The following SHISA9 variants were observed in gnomAD, a reference collection of about 807,000 sequenced individuals.
SHISA9 encodes protein shisa-9.
SHISA9 carries 13 observed loss-of-function variants against 38.0 expected under a neutral mutation model. That is an observed-to-expected ratio of 0.34 (90% CI 0.22 to 0.54). The LOEUF (loss-of-function observed/expected upper bound fraction) is 0.54, where lower values mean the gene tolerates loss of function less well. SHISA9 is among the 20% of genes least tolerant of loss of function. SHISA9 has a pLI of 0.91. For synonymous variants in SHISA9, 275 were observed against 242.0 expected, an observed-to-expected ratio of 1.14 and a Z score of -1.27; for missense variants, 538 against 575.8, an observed-to-expected ratio of 0.93 and a Z score of 0.67.
the SHISA9 span, among the ~76,000 whole-genome samples, chr16:13,532,096 A>G: frequency 3.3e-5 from 5 of 152,302 alleles, no homozygotes; most frequent in Middle Eastern, 3.4e-3. Flanking sequence ...ACCTGGGCCA[A>G]TTTGACTCAT....
intron 2 of SHISA9, among the ~76,000 whole-genome samples, chr16:12,947,642 A>G (rs2071704490): frequency 6.6e-6 from 1 of 152,140 alleles, no homozygotes; most frequent in South Asian, 2.1e-4. Context: ...TCCACGGGCT[A>G]TTTTTGTCAA....
chr16:13,444,421 A>G, the SHISA9 span, among the ~76,000 whole-genome samples: 23 of 44,448 alleles, frequency 5.2e-4, no homozygotes, highest in Middle Eastern at 0.011. Context: ...GGGAGGGAGG[A>G]AGGAAGGAAG....
intron 1 of SHISA9, chr16:12,909,043 C>G (rs2071144721): frequency 1.6e-5 from 16 of 997,854 alleles, no homozygotes; most frequent in South Asian, 8.9e-5. Flanking sequence ...TCTCCTGCCT[C>G]TCATCTTTCT....
chr16:13,035,895 A>G (rs1434686836), intron 2 of SHISA9, among the ~76,000 whole-genome samples: 2 of 152,212 alleles, frequency 1.3e-5, no homozygotes, highest in African/African-American at 4.8e-5. Flanking sequence ...GTCAATAAGT[A>G]CATGAAAAGA....
At chr16:12,973,389 T>G (rs138022835) in intron 2 of SHISA9, among the ~76,000 whole-genome samples, 12 of 152,194 alleles carry the variant, frequency 7.9e-5, no homozygotes, top group Non-Finnish European at 1.6e-4. Context: ...GAGAGTTCAA[T>G]TCTAGTGCTG....
chr16:13,002,086 C>T (rs1169939525), intron 2 of SHISA9, among the ~76,000 whole-genome samples: 1 of 152,136 alleles, frequency 6.6e-6, no homozygotes, highest in Non-Finnish European at 1.5e-5. Context: ...CATAAAACTC[C>T]CTGGTGATTG....
Position 13,023,314 on chromosome 16 carries a change from C to T in SHISA9, c.691+106499C>T, listed in dbSNP as rs139711259. Among the ~76,000 whole-genome samples the T allele has an allele frequency of 6.6e-3, 1,006 of 152,244 alleles. 7 individuals are homozygous for T. The highest frequency in any genetic ancestry group is 0.01 in the Middle Eastern group (3 of 294). ...GATAATTTGCTGAGAATCATGGTTTCCAGCTTCATCCATGTCCCTGCAAAG... is the reference window on the plus strand; with the variant it reads ...GATAATTTGCTGAGAATCATGGTTTTCAGCTTCATCCATGTCCCTGCAAAG... On this transcript the variant is annotated intron_variant, in intron 2 of 4. Transcript: ENST00000558583.
chr16:13,005,111 A>G (rs2072581939), intron 2 of SHISA9, among the ~76,000 whole-genome samples: 1 of 152,072 alleles, frequency 6.6e-6, no homozygotes, highest in Non-Finnish European at 1.5e-5. Flanking sequence ...AGGAGGTGCC[A>G]TTCCTGAGAT....
At chr16:12,954,735 C>T (rs569963224) in intron 2 of SHISA9, among the ~76,000 whole-genome samples, 14 of 152,092 alleles carry the variant, frequency 9.2e-5, no homozygotes, top group African/African-American at 3.4e-4. Context: ...GATTAGGAAA[C>T]AGTTGTAGAG....
the SHISA9 span, among the ~76,000 whole-genome samples, chr16:13,479,811 A>G: frequency 1.3e-5 from 2 of 152,194 alleles, no homozygotes; most frequent in Non-Finnish European, 2.9e-5. Flanking sequence ...GTTCAGTTCT[A>G]TTCCCTTTGT....
At chr16:13,137,867 T>G (rs2050363956) in intron 2 of SHISA9, among the ~76,000 whole-genome samples, 1 of 152,210 alleles carries the variant, frequency 6.6e-6, no homozygotes, top group African/African-American at 2.4e-5. Context: ...GTCCAGCTGT[T>G]TCTTTGCCTG....
the SHISA9 span, among the ~76,000 whole-genome samples, chr16:13,517,176 G>A: frequency 6.6e-6 from 1 of 152,170 alleles, no homozygotes; most frequent in East Asian, 1.9e-4. Flanking sequence ...GAAAAAAGCA[G>A]AGAGTGGAGT....
intron 2 of SHISA9, among the ~76,000 whole-genome samples, chr16:13,111,065 A>G (rs1361527560): frequency 6.6e-6 from 1 of 152,208 alleles, no homozygotes; most frequent in Non-Finnish European, 1.5e-5. Context: ...AAAGACTTAA[A>G]TTTAAGACCG....
the SHISA9 span, among the ~76,000 whole-genome samples, chr16:13,261,725 G>A: frequency 5.3e-5 from 8 of 152,188 alleles, no homozygotes; most frequent in Non-Finnish European, 1.2e-4. Flanking sequence ...AATGCCATGT[G>A]CTGAGGGTAC....
At chr16:13,339,106 T>C in the SHISA9 span, among the ~76,000 whole-genome samples, 69,646 of 151,258 alleles carry the variant, frequency 0.46, 17,168 homozygotes, top group East Asian at 0.77. Flanking sequence ...AATAACTCAT[T>C]TCCATGCCAG....
At chr16:13,296,891 C>CAAAAAAAAAAA in the SHISA9 span, among the ~76,000 whole-genome samples, 1 of 26,588 alleles carries the variant, frequency 3.8e-5, no homozygotes. Context: ...AACTCCATCT[C>CAAAAAAAAAAA]AAAAAAAAAA....
At chr16:13,444,935 C>A in the SHISA9 span, among the ~76,000 whole-genome samples, 1 of 147,268 alleles carries the variant, frequency 6.8e-6, no homozygotes, top group Non-Finnish European at 1.5e-5. Context: ...TCTTGTGTCT[C>A]AGCCTCCCAG....
intron 4 of SHISA9, among the ~76,000 whole-genome samples, chr16:13,224,594 G>A (rs1487979896): frequency 6.6e-6 from 1 of 152,196 alleles, no homozygotes; most frequent in Non-Finnish European, 1.5e-5. Context: ...TGGACGTTGA[G>A]GATACAGCAG....
At chr16:13,155,276 A>C (rs2050534277) in intron 2 of SHISA9, among the ~76,000 whole-genome samples, 1 of 152,194 alleles carries the variant, frequency 6.6e-6, no homozygotes, top group African/African-American at 2.4e-5. Context: ...GTGGAGTGGA[A>C]TACTTGGATA....
Sources: allele counts gnomAD v4.1 joint callset (sites outside exome capture counted in the v4.1 genomes callset), GRCh38; gene constraint gnomAD v4.1.1; transcripts MANE v1.5; gene names NCBI Gene and HGNC (gene_info 2026-07-23, HGNC 2026-07-21).